The following TMX4 variants were observed in gnomAD, a reference collection of about 807,000 sequenced individuals.
TMX4 encodes thioredoxin-related transmembrane protein 4.
Under a neutral mutation model 33.3 loss-of-function variants are expected in TMX4, and 23 were observed. That is an observed-to-expected ratio of 0.69 (90% CI 0.50 to 0.98). TMX4 has a LOEUF of 0.98. Ranked by LOEUF, TMX4 falls within the 50% of genes least tolerant of loss-of-function variation. The pLI, the probability that TMX4 is intolerant of heterozygous loss-of-function variation, is 0.00. For missense variants in TMX4, 399 were observed against 448.9 expected (o/e 0.89, Z 1.01); for synonymous variants, 164 against 161.5 (o/e 1.02, Z -0.12).
chr20:8,018,541 C>T (rs6039002), intron 1 of TMX4, among the ~76,000 whole-genome samples: 10,936 of 103,102 alleles, frequency 0.11, 2,526 homozygotes, highest in South Asian at 0.24. Flanking sequence ...TGCAAGCCCA[C>T]CATGATGGTC....
At position 7,981,995 on chromosome 20, in the gene TMX4, G is replaced by C; in HGVS notation, c.*256C>G. 2.3e-6 allele frequency: 1 copy of C among 436,960 alleles called. No homozygotes were observed. Among genetic ancestry groups the C allele is most frequent in the South Asian group, 3.3e-5 (1 of 30,710 alleles). The allele number at this position is 436,960 out of a possible 1,614,324, so 27.1% of individuals were successfully genotyped here. On this transcript the variant is annotated 3_prime_UTR_variant, in exon 8 of 8. Coordinates refer to ENST00000246024, the MANE Select transcript of TMX4 (RefSeq NM_021156.4). ...CTGGTCGAGACTCTCTGACCCCTAA[G>C]TAAATGAACTTGTTCCCATCCCAGT...
At chr20:8,015,283 A>G (rs2050769981) in intron 1 of TMX4, among the ~76,000 whole-genome samples, 1 of 152,196 alleles carries the variant, frequency 6.6e-6, no homozygotes, top group South Asian at 2.1e-4. Context: ...GTGGTTTTCA[A>G]TTAGAAGCAT....
At chr20:8,002,404 T>TA (rs980782128) in intron 2 of TMX4, among the ~76,000 whole-genome samples, 5 of 151,948 alleles carry the variant, frequency 3.3e-5, no homozygotes, top group African/African-American at 9.7e-5. Context: ...TGAAAATATT[T>TA]AAAAAAAGGG....
chr20:7,996,193 G>T (rs2050675625), intron 4 of TMX4, 122 bp from the exon 5 acceptor site: 5 of 695,566 alleles, frequency 7.2e-6, no homozygotes, highest in Non-Finnish European at 1.2e-5. Context: ...CCCTCTCCCA[G>T]ATTCATATCT....
intron 2 of TMX4, among the ~76,000 whole-genome samples, chr20:8,005,907 T>C (rs566667581): frequency 4.6e-5 from 7 of 152,220 alleles, no homozygotes; most frequent in Admixed American, 3.9e-4. Flanking sequence ...GAGAGCTACT[T>C]CCACTCAATA....
intron 1 of TMX4, among the ~76,000 whole-genome samples, chr20:8,017,432 A>T (rs942184222): frequency 6.6e-6 from 1 of 152,238 alleles, no homozygotes; most frequent in African/African-American, 2.4e-5. Context: ...ATTGATTACT[A>T]TGTTTAGGTT....
chr20:8,004,596 T>C (rs2050720219), intron 2 of TMX4, among the ~76,000 whole-genome samples: 1 of 152,070 alleles, frequency 6.6e-6, no homozygotes, highest in Non-Finnish European at 1.5e-5. Context: ...ATTTTAACAC[T>C]GTATCAGAAA....
chr20:7,993,613 A>C (rs1003090694), intron 5 of TMX4, among the ~76,000 whole-genome samples: 3 of 152,144 alleles, frequency 2.0e-5, no homozygotes, highest in African/African-American at 7.2e-5. Context: ...AAATCAGAGG[A>C]CAAGGGCCAC....
chr20:8,008,545 A>G (rs2050739808), intron 2 of TMX4, among the ~76,000 whole-genome samples: 1 of 152,194 alleles, frequency 6.6e-6, no homozygotes. Flanking sequence ...ATTTAATTAA[A>G]CATAAGATTT....
rs530739186 is a variant in TMX4, at chr20:7,984,712, G to A, written c.616-855C>T. 5.3e-5 allele frequency among the ~76,000 whole-genome samples: 8 copies of A among 152,232 alleles called. No individual in the cohort carries two copies. In the East Asian group the frequency reaches 9.7e-4, roughly 18 times the overall value. ...TTCAATGCATGTATTACAGTATAAT[G>A]ATCAAATCAGTGTAATTACCATATC... On this transcript the variant is annotated intron_variant, in intron 6 of 7. Transcript: ENST00000246024.
At position 8,001,529 on chromosome 20, in the gene TMX4, C is replaced by A. The variant is rs776435098; in HGVS notation, c.305G>T (p.Arg102Leu). The part of the protein sequence containing the change: ...DVIQEPGLSG[R>L]FFVTTLPAFF... Reference sequence around the variant, plus strand: ...TGCTGGGAGAGTGGTGACAAAGAAGCGGCCACTCAAACCTACAAGAAGCAT... The same window carrying A: ...TGCTGGGAGAGTGGTGACAAAGAAGAGGCCACTCAAACCTACAAGAAGCAT... The change falls in exon 3 of 8, where the codon CGC becomes CTC. Residue 102 changes from arginine (R) to leucine (L), a missense_variant. Transcript: ENST00000246024. The A allele has an allele frequency of 1.9e-6, 3 of 1,600,084 alleles. No homozygotes were observed. Among genetic ancestry groups the A allele is most frequent in the East Asian group, 2.2e-5 (1 of 44,496 alleles).
chr20:8,008,016 G>A (rs2050737683), intron 2 of TMX4, among the ~76,000 whole-genome samples: 1 of 152,002 alleles, frequency 6.6e-6, no homozygotes, highest in Non-Finnish European at 1.5e-5. Flanking sequence ...TCTAGAACAG[G>A]GCCTGTTTAT....
intron 5 of TMX4, among the ~76,000 whole-genome samples, chr20:7,993,801 G>A (rs991481788): frequency 1.4e-4 from 20 of 146,128 alleles, no homozygotes; most frequent in South Asian, 6.5e-4. Flanking sequence ...ACACACACAC[G>A]GAGATCAAAA....
Position 7,979,057 on chromosome 20 carries a change from G to A in TMX4, c.*3194C>T, listed in dbSNP as rs2050593458. On this transcript the variant is annotated 3_prime_UTR_variant, in exon 8 of 8. Coordinates refer to ENST00000246024, the MANE Select transcript of TMX4 (RefSeq NM_021156.4). Reference sequence around the variant, plus strand: ...ACTAAATAACTGATACTGCAATAGAGGGAAGCATGATTTTAATTTTTTTTT... The same window carrying A: ...ACTAAATAACTGATACTGCAATAGAAGGAAGCATGATTTTAATTTTTTTTT... 2.0e-5 allele frequency: 3 copies of A among 151,712 alleles called. No individual in the cohort carries two copies. Among genetic ancestry groups the A allele is most frequent in the African/African-American group, 7.3e-5 (3 of 41,314 alleles). 9.4% of individuals were successfully genotyped at this position (151,712 alleles called of 1,614,324 possible). A position where few individuals can be genotyped will look rare whatever the true frequency, so the allele number is the denominator to read the frequency against.
rs2050588290 is a variant in TMX4, at chr20:7,978,129, C to T, written c.*4122G>A. 6.6e-6 allele frequency: 1 copy of T among 152,154 alleles called. No individual in the cohort carries two copies. Among genetic ancestry groups the T allele is most frequent in the Admixed American group, 6.5e-5 (1 of 15,276 alleles). The allele number at this position is 152,154 out of a possible 1,614,324, so 9.4% of individuals were successfully genotyped here. A position where few individuals can be genotyped will look rare whatever the true frequency, so the allele number is the denominator to read the frequency against. ...ATGAATTCTTTCGAAAATGTTGGTA[C>T]ATTTGACAGGATGGGTCAACCACAT... On this transcript the variant is annotated 3_prime_UTR_variant, in exon 8 of 8. Coordinates refer to ENST00000246024, the MANE Select transcript of TMX4 (RefSeq NM_021156.4).
At chr20:8,007,489 T>C (rs1010597693) in intron 2 of TMX4, among the ~76,000 whole-genome samples, 1 of 152,224 alleles carries the variant, frequency 6.6e-6, no homozygotes, top group African/African-American at 2.4e-5. Context: ...TTTTAAAATA[T>C]AAATCATATC....
At position 7,980,150 on chromosome 20, in the gene TMX4, C is replaced by T. The variant is rs949473379; in HGVS notation, c.*2101G>A. ...TGTTCAACCTGTACTATTTGGGGTC[C>T]GGTTGGAAATTGGCTTTACATTTTT... is the stretch of plus-strand genomic sequence containing the variant. On this transcript the variant is annotated 3_prime_UTR_variant, in exon 8 of 8. Transcript: ENST00000246024. The T allele has an allele frequency of 2.6e-5, 4 of 152,012 alleles. No individual in the cohort carries two copies. The highest frequency in any genetic ancestry group is 9.7e-5 in the African/African-American group (4 of 41,370). The allele number at this position is 152,012 out of a possible 1,614,324, so 9.4% of individuals were successfully genotyped here.
intron 2 of TMX4, among the ~76,000 whole-genome samples, chr20:8,004,777 T>C (rs1161352193): frequency 6.6e-6 from 1 of 152,234 alleles, no homozygotes; most frequent in Non-Finnish European, 1.5e-5. Flanking sequence ...ATTGTTGTAC[T>C]ATTTATTAGC....
intron 5 of TMX4, among the ~76,000 whole-genome samples, chr20:7,995,528 T>C (rs1451788011): frequency 8.5e-5 from 13 of 152,194 alleles, no homozygotes; most frequent in Admixed American, 7.9e-4. Context: ...ATTCTCTGTG[T>C]CTGTCACAAC....
Sources: gnomAD v4.1 joint callset for allele counts (sites outside exome capture counted in the v4.1 genomes callset) on GRCh38, gnomAD v4.1.1 for gene constraint, MANE v1.5 for transcripts, NCBI Gene and HGNC (gene_info 2026-07-23, HGNC 2026-07-21) for gene names.